The following AUTS2 variants were observed in gnomAD, a reference collection of about 807,000 sequenced individuals.
AUTS2 encodes activator of transcription and developmental regulator AUTS2, also known as autism susceptibility gene 2 protein.
Under a neutral mutation model 112.4 loss-of-function variants are expected in AUTS2, and 17 were observed. The observed-to-expected ratio is 0.15, with a 90% CI of 0.10 to 0.23. AUTS2 has a LOEUF of 0.23. AUTS2 is among the 10% of genes least tolerant of loss of function. AUTS2 has a pLI of 1.00. For synonymous variants in AUTS2, 751 were observed against 702.7 expected (o/e 1.07, Z -1.09); for missense variants, 1,510 against 1,701.6 (o/e 0.89, Z 1.98).
At chr7:69,615,292 T>G (rs1793308216) in intron 1 of AUTS2, among the ~76,000 whole-genome samples, 1 of 152,090 alleles carries the variant, frequency 6.6e-6, no homozygotes. Flanking sequence ...TGATTACAGG[T>G]GAACATTACT....
intron 1 of AUTS2, among the ~76,000 whole-genome samples, chr7:69,719,660 C>T (rs1798811571): frequency 6.6e-6 from 1 of 152,152 alleles, no homozygotes. Flanking sequence ...TCTTCAAGCT[C>T]AGAATTCGTA....
chr7:70,304,717 C>CTTT (rs11464532), intron 4 of AUTS2, among the ~76,000 whole-genome samples: 1,566 of 101,222 alleles, frequency 0.015, 25 homozygotes, highest in Middle Eastern at 0.054. Flanking sequence ...GGATTTTTAA[C>CTTT]TTTTTTTTTT....
intron 5 of AUTS2, among the ~76,000 whole-genome samples, chr7:70,601,949 A>G (rs1759879584): frequency 6.6e-6 from 1 of 152,168 alleles, no homozygotes; most frequent in African/African-American, 2.4e-5. Flanking sequence ...ATTACAGGTG[A>G]GAAAAAAGTT....
At chr7:70,086,930 CT>C (rs34468600) in intron 2 of AUTS2, among the ~76,000 whole-genome samples, 15,177 of 139,496 alleles carry the variant, frequency 0.11, 782 homozygotes, top group Admixed American at 0.14. Context: ...TATAATTTTC[CT>C]TTTTTTTTTT....
intron 1 of AUTS2, among the ~76,000 whole-genome samples, chr7:69,631,131 C>T (rs1378070236): frequency 6.6e-6 from 1 of 151,986 alleles, no homozygotes; most frequent in Non-Finnish European, 1.5e-5. Context: ...TTAAAGGATT[C>T]ACATACTTCC....
chr7:70,160,159 C>T (rs912780948), intron 4 of AUTS2, among the ~76,000 whole-genome samples: 14 of 151,996 alleles, frequency 9.2e-5, no homozygotes, highest in Non-Finnish European at 1.3e-4. Context: ...ATCTGTACTC[C>T]CACCTTTACA....
At chr7:69,729,427 C>T (rs919602428) in intron 1 of AUTS2, among the ~76,000 whole-genome samples, 1 of 145,856 alleles carries the variant, frequency 6.9e-6, no homozygotes, top group East Asian at 2.0e-4. Context: ...ACACCCCCCC[C>T]CCCATTTTTA....
intron 5 of AUTS2, among the ~76,000 whole-genome samples, chr7:70,491,530 T>TATGTTATATATATACACACAA (rs1316648619): frequency 5.8e-5 from 8 of 138,152 alleles, no homozygotes; most frequent in African/African-American, 2.2e-4. Flanking sequence ...ACACAATATA[T>TATGTTATATATATACACACAA]TATATATACA....
At chr7:70,177,492 T>C (rs947297222) in intron 4 of AUTS2, among the ~76,000 whole-genome samples, 9 of 152,188 alleles carry the variant, frequency 5.9e-5, no homozygotes, top group African/African-American at 2.2e-4. Flanking sequence ...TGCATGGTGT[T>C]TTAGATCATT....
chr7:70,713,137 T>G (rs2129550219), intron 6 of AUTS2, among the ~76,000 whole-genome samples: 1 of 152,302 alleles, frequency 6.6e-6, no homozygotes, highest in East Asian at 1.9e-4. Context: ...TGAGCTAACT[T>G]GCTCAACCGC....
At position 70,791,622 on chromosome 7, in the gene AUTS2, C is replaced by T. The variant is rs1791968932; in HGVS notation, c.*626C>T. The T allele has an allele frequency of 6.6e-6, 1 of 152,610 alleles. No individual in the cohort carries two copies. The highest frequency in any genetic ancestry group is 1.5e-5 in the Non-Finnish European group (1 of 68,034). The allele number at this position is 152,610 out of a possible 1,614,324, so 9.5% of individuals were successfully genotyped here. A position where few individuals can be genotyped will look rare whatever the true frequency, so the allele number is the denominator to read the frequency against. ...CTATGCAATGAATGTTCGGGCTTTT[C>T]ACAAAAGCCCGCCTAACTCAAAGGA... On this transcript the variant is annotated 3_prime_UTR_variant, in exon 19 of 19. Transcript: ENST00000342771.
chr7:70,635,711 G>A (rs1338386657), intron 5 of AUTS2, among the ~76,000 whole-genome samples: 1 of 152,214 alleles, frequency 6.6e-6, no homozygotes, highest in Non-Finnish European at 1.5e-5. Context: ...TCTAGAAGGG[G>A]TGATTTGTGT....
At position 70,407,598 on chromosome 7, in the gene AUTS2, G is replaced by C. The variant is rs575756904; in HGVS notation, c.661-28154G>C. Among the ~76,000 whole-genome samples, 12 of 152,224 alleles carry C rather than the reference G, an allele frequency of 7.9e-5. No homozygotes were observed. In the South Asian group the frequency reaches 2.5e-3, roughly 32 times the overall value. Reference sequence around the variant, plus strand: ...TTAGTTTCAGTGGATTTTTTTCCTAGAAAGATGCATAAAATTTTAAAGTAA... The same window carrying C: ...TTAGTTTCAGTGGATTTTTTTCCTACAAAGATGCATAAAATTTTAAAGTAA... On this transcript the variant is annotated intron_variant, in intron 4 of 18. Coordinates refer to ENST00000342771, the MANE Select transcript of AUTS2 (RefSeq NM_015570.4).
intron 1 of AUTS2, among the ~76,000 whole-genome samples, chr7:69,788,716 C>G (rs1253857049): frequency 6.6e-6 from 1 of 151,676 alleles, no homozygotes. Context: ...CATTACTTGA[C>G]CATTATTCAT....
intron 2 of AUTS2, among the ~76,000 whole-genome samples, chr7:69,923,077 T>G (rs187487427): frequency 1.3e-5 from 2 of 152,332 alleles, no homozygotes; most frequent in Admixed American, 1.3e-4. Context: ...TAAGACTGGT[T>G]GGCTTATTTC....
intron 2 of AUTS2, among the ~76,000 whole-genome samples, chr7:70,002,992 A>T (rs916329890): frequency 6.6e-6 from 1 of 151,336 alleles, no homozygotes; most frequent in African/African-American, 2.4e-5. Context: ...CAACAATTTT[A>T]AGAAAAAAAT....
chr7:70,465,994 G>A (rs1797153675), intron 5 of AUTS2, among the ~76,000 whole-genome samples: 1 of 152,182 alleles, frequency 6.6e-6, no homozygotes, highest in South Asian at 2.1e-4. Flanking sequence ...GATAGGCAGT[G>A]TACATGGTGT....
chr7:70,732,616 C>T (rs374743449), intron 6 of AUTS2, among the ~76,000 whole-genome samples: 10 of 152,138 alleles, frequency 6.6e-5, no homozygotes, highest in African/African-American at 1.9e-4. Context: ...TTCCTGTTCC[C>T]GCCTGGCTCT....
chr7:70,682,103 G>A (rs1808241869), intron 5 of AUTS2, among the ~76,000 whole-genome samples: 1 of 152,148 alleles, frequency 6.6e-6, no homozygotes, highest in South Asian at 2.1e-4. Context: ...AGGAGAGTGA[G>A]GGAAAGGACA....
Sources: gnomAD v4.1 joint callset for allele counts (sites outside exome capture counted in the v4.1 genomes callset) on GRCh38, gnomAD v4.1.1 for gene constraint, MANE v1.5 for transcripts, NCBI Gene and HGNC (gene_info 2026-07-23, HGNC 2026-07-21) for gene names.